ZCCHC24: variants seen among roughly 807,000 people sequenced by gnomAD.
ZCCHC24 encodes zinc finger CCHC domain-containing protein 24.
ZCCHC24 carries 10 observed loss-of-function variants against 26.2 expected under a neutral mutation model. The ratio of observed to expected loss-of-function variants is 0.38; its 90% confidence interval spans 0.24 to 0.65. The LOEUF (loss-of-function observed/expected upper bound fraction) is 0.65, where lower values mean the gene tolerates loss of function less well. Among genes scored for constraint, ZCCHC24 ranks in the 30% least tolerant of loss-of-function variants. The pLI is 0.54. For synonymous variants in ZCCHC24, 144 were observed against 147.1 expected, an observed-to-expected ratio of 0.98 and a Z score of 0.15; for missense variants, 243 against 329.1, an observed-to-expected ratio of 0.74 and a Z score of 2.03.
chr10:79,435,219 A>AT (rs777229608), intron 1 of ZCCHC24, among the ~76,000 whole-genome samples: 45 of 141,970 alleles, frequency 3.2e-4, no homozygotes, highest in Non-Finnish European at 6.5e-4. Flanking sequence ...TTTTTTTTTT[A>AT]TTTTTATTTT....
chr10:79,418,343 T>C (rs1421885913), intron 2 of ZCCHC24, among the ~76,000 whole-genome samples: 1 of 152,154 alleles, frequency 6.6e-6, no homozygotes, highest in Non-Finnish European at 1.5e-5. Flanking sequence ...TTGGCCAATG[T>C]TGAACAGCTA....
intron 2 of ZCCHC24, among the ~76,000 whole-genome samples, chr10:79,421,658 CT>C (rs564528743): frequency 6.6e-6 from 1 of 151,988 alleles, no homozygotes; most frequent in Non-Finnish European, 1.5e-5. Context: ...TGGAGTTTCG[CT>C]CTTGTTGCCC....
At chr10:79,444,309 G>A (rs1345282900) in intron 1 of ZCCHC24, 1 of 1,371,736 alleles carries the variant, frequency 7.3e-7, no homozygotes, top group African/African-American at 1.5e-5. Context: ...AGGCCCTGGA[G>A]ACTCTTCAAA....
intron 2 of ZCCHC24, among the ~76,000 whole-genome samples, chr10:79,411,841 C>T (rs559474921): frequency 4.6e-5 from 7 of 152,222 alleles, no homozygotes; most frequent in Admixed American, 4.6e-4. Context: ...AGGACCCTGC[C>T]ATCCCACTCT....
At chr10:79,428,971 G>T (rs981721782) in intron 2 of ZCCHC24, among the ~76,000 whole-genome samples, 1 of 152,156 alleles carries the variant, frequency 6.6e-6, no homozygotes, top group African/African-American at 2.4e-5. Context: ...TGAGTAAAGA[G>T]TTCAGAGCAG....
At chr10:79,428,891 A>G (rs562659383) in intron 2 of ZCCHC24, among the ~76,000 whole-genome samples, 6 of 152,290 alleles carry the variant, frequency 3.9e-5, no homozygotes, top group Non-Finnish European at 8.8e-5. Flanking sequence ...AAATGGAAAA[A>G]TGCCTAGGAA....
At chr10:79,411,536 G>C (rs1238067001) in intron 2 of ZCCHC24, among the ~76,000 whole-genome samples, 6 of 152,194 alleles carry the variant, frequency 3.9e-5, no homozygotes, top group Admixed American at 3.9e-4. Flanking sequence ...GATGGAACCA[G>C]ATTCTAGAGG....
At chr10:79,387,543 GCCCCTGCCTGCAGAAGGGT>G (rs1308672013) in intron 3 of ZCCHC24, among the ~76,000 whole-genome samples, 7 of 152,194 alleles carry the variant, frequency 4.6e-5, no homozygotes, top group African/African-American at 1.7e-4. Flanking sequence ...TTCAGCTGGA[GCCCCTGCCTGCAGAAGGGT>G]CCCCTGCATG....
rs923027089 is a variant in ZCCHC24 at position 79,445,486 on chromosome 10, C to T, written c.-46G>A. 3.0e-6 allele frequency: 4 copies of T among 1,312,056 alleles called. No homozygotes were observed. Among genetic ancestry groups the T allele is most frequent in the African/African-American group, 1.5e-5 (1 of 65,128 alleles). 81.3% of individuals were successfully genotyped at this position (1,312,056 alleles called of 1,614,324 possible). ...CCCTCCCCGGCCGCCCGCTCGCGGC[C>T]CCCCTCCGCAGCGGAGGGGCGGGCA... is the stretch of plus-strand genomic sequence containing the variant. On this transcript the variant is annotated 5_prime_UTR_variant, in exon 1 of 4. Transcript: ENST00000372336.
At position 79,432,731 on chromosome 10, in the gene ZCCHC24, C is replaced by T. The variant is rs775068470; in HGVS notation, c.274G>A (p.Ala92Thr). ...TTGTTGAGGGAGCCATAGGGTGAGG[C>T]GCCCTTGTACACACTGTTGCTCAGC... Reference protein sequence around the residue: ...EALSNSVYKGASPYGSLNNIA... With the variant: ...EALSNSVYKGTSPYGSLNNIA... The change falls in exon 2 of 4, where the codon GCC becomes ACC. Residue 92 changes from alanine (A) to threonine (T), a missense_variant. By Grantham distance (58) the Ala-to-Thr change is moderately conservative. This residue lies in a region of ZCCHC24 where 147 missense variants were observed against 150.8 expected (regional missense o/e 0.97). Transcript: ENST00000372336. 36 of 1,608,130 alleles carry T rather than the reference C, an allele frequency of 2.2e-5. No homozygotes were observed. The highest frequency in any genetic ancestry group is 2.8e-5 in the Non-Finnish European group (33 of 1,178,016).
At chr10:79,444,471 TC>T (rs57495457) in intron 1 of ZCCHC24, among the ~76,000 whole-genome samples, 22,373 of 149,216 alleles carry the variant, frequency 0.15, 1,734 homozygotes, top group Middle Eastern at 0.22. Context: ...CTGGAACCTC[TC>T]CCCCCCCCTT....
intron 2 of ZCCHC24, among the ~76,000 whole-genome samples, chr10:79,403,156 GAA>G (rs1235714729): frequency 6.6e-6 from 1 of 152,232 alleles, no homozygotes; most frequent in Non-Finnish European, 1.5e-5. Context: ...TCACACCTGT[GAA>G]AACACACTTG....
At chr10:79,433,098 TA>T (rs1370079049) in intron 1 of ZCCHC24, among the ~76,000 whole-genome samples, 1 of 152,178 alleles carries the variant, frequency 6.6e-6, no homozygotes, top group African/African-American at 2.4e-5. Flanking sequence ...TGGCTATTAT[TA>T]TTATTACCAT....
At chr10:79,426,918 A>C (rs1226644705) in intron 2 of ZCCHC24, among the ~76,000 whole-genome samples, 1 of 152,222 alleles carries the variant, frequency 6.6e-6, no homozygotes, top group African/African-American at 2.4e-5. Flanking sequence ...ACAACAAAAA[A>C]CAAGATCAAC....
At chr10:79,437,939 G>A (rs115244099) in intron 1 of ZCCHC24, among the ~76,000 whole-genome samples, 186 of 152,310 alleles carry the variant, frequency 1.2e-3, no homozygotes, top group African/African-American at 4.1e-3. Flanking sequence ...GAGAAGAGAG[G>A]GCACAGAAAC....
intron 3 of ZCCHC24, among the ~76,000 whole-genome samples, chr10:79,387,660 GC>G (rs1446129574): frequency 2.6e-5 from 4 of 152,162 alleles, no homozygotes; most frequent in African/African-American, 9.7e-5. Flanking sequence ...GCAGACCATG[GC>G]CCGGATGACA....
chr10:79,421,777 C>T (rs1238711613), intron 2 of ZCCHC24, among the ~76,000 whole-genome samples: 1 of 152,096 alleles, frequency 6.6e-6, no homozygotes, highest in East Asian at 1.9e-4. Flanking sequence ...TAGGTGTGCG[C>T]CACCACACCT....
At chr10:79,421,354 A>AGG (rs1856932383) in intron 2 of ZCCHC24, among the ~76,000 whole-genome samples, 1 of 152,100 alleles carries the variant, frequency 6.6e-6, no homozygotes. Context: ...ATCCCCTGCT[A>AGG]TGCCATCTGC....
chr10:79,388,031 G>C (rs1393346935), intron 3 of ZCCHC24, among the ~76,000 whole-genome samples: 1 of 152,190 alleles, frequency 6.6e-6, no homozygotes, highest in Admixed American at 6.5e-5. Context: ...CCAGGGAAGA[G>C]AGGAGTTGGA....
Sources: allele counts gnomAD v4.1 joint callset (sites outside exome capture counted in the v4.1 genomes callset), GRCh38; gene constraint gnomAD v4.1.1; regional missense constraint gnomAD v4.1.1; transcripts MANE v1.5; gene names NCBI Gene and HGNC (gene_info 2026-07-23, HGNC 2026-07-21).